The following VTI1A variants were observed in gnomAD, a reference collection of about 807,000 sequenced individuals.
VTI1A encodes vesicle transport through interaction with t-SNAREs homolog 1A.
Under a neutral mutation model 34.9 loss-of-function variants are expected in VTI1A, and 22 were observed. That is an observed-to-expected ratio of 0.63 (90% CI 0.45 to 0.90). The LOEUF is 0.90. Among genes scored for constraint, VTI1A ranks in the 40% least tolerant of loss-of-function variants. VTI1A has a pLI of 0.00. For missense variants in VTI1A, 268 were observed against 275.6 expected (o/e 0.97, Z 0.20); for synonymous variants, 87 against 97.3 (o/e 0.89, Z 0.62).
chr10:112,577,801 G>C (rs778007306), intron 5 of VTI1A, among the ~76,000 whole-genome samples: 1 of 152,188 alleles, frequency 6.6e-6, no homozygotes, highest in African/African-American at 2.4e-5. Flanking sequence ...TCATATGTAC[G>C]TGGTTAAATC....
At chr10:112,829,613 G>A in the VTI1A span, among the ~76,000 whole-genome samples, 1 of 151,918 alleles carries the variant, frequency 6.6e-6, no homozygotes, top group African/African-American at 2.4e-5. Flanking sequence ...AATTAGCGGG[G>A]CATGGTGGCA....
intron 5 of VTI1A, among the ~76,000 whole-genome samples, chr10:112,644,400 T>G (rs1846696733): frequency 6.6e-6 from 1 of 152,230 alleles, no homozygotes; most frequent in African/African-American, 2.4e-5. Flanking sequence ...GAAATCCATT[T>G]GACAAATATA....
chr10:112,559,999 A>C (rs1452991568), intron 5 of VTI1A, among the ~76,000 whole-genome samples: 1 of 152,200 alleles, frequency 6.6e-6, no homozygotes, highest in Non-Finnish European at 1.5e-5. Context: ...CTTTTAAGGC[A>C]TCTGAGATAG....
downstream of VTI1A, among the ~76,000 whole-genome samples, chr10:112,819,853 C>T (rs529819014): frequency 2.8e-4 from 43 of 152,284 alleles, no homozygotes; most frequent in Admixed American, 8.5e-4. Flanking sequence ...CTCAGAGGCC[C>T]GGTTCATTGA....
At chr10:112,647,403 C>A (rs1240484278) in intron 5 of VTI1A, among the ~76,000 whole-genome samples, 1 of 152,206 alleles carries the variant, frequency 6.6e-6, no homozygotes, top group Admixed American at 6.5e-5. Context: ...AAATCATCAA[C>A]ACACTATTTC....
At chr10:112,742,177 A>T (rs1007488618) in intron 7 of VTI1A, among the ~76,000 whole-genome samples, 1 of 152,190 alleles carries the variant, frequency 6.6e-6, no homozygotes, top group Non-Finnish European at 1.5e-5. Context: ...TCTGAGCTTG[A>T]CCTGGCAGGT....
Position 112,464,624 on chromosome 10 carries a change from C to T in VTI1A, c.231C>T (p.Tyr77=). ...TGTACAGCAACAGAATGAGAAGCTACAAACAAGAAATGGGAAAACTCGAAA... is the reference window on the plus strand; with the variant it reads ...TGTACAGCAACAGAATGAGAAGCTATAAACAAGAAATGGGAAAACTCGAAA... ...RGMYSNRMRS[Y]KQEMGKLETD... is the part of the protein sequence containing the mutation. Residue 77 remains tyrosine (Y), a synonymous_variant, in exon 3 of 8, where the codon TAC becomes TAT. Transcript: ENST00000393077. 1 of 1,612,410 alleles carries T rather than the reference C, an allele frequency of 6.2e-7. No individual in the cohort carries two copies. Among genetic ancestry groups the T allele is most frequent in the Non-Finnish European group, 8.5e-7 (1 of 1,178,930 alleles).
At chr10:112,815,132 C>CGT (rs1491483299) in intron 7 of VTI1A, among the ~76,000 whole-genome samples, 158 bp from the exon 8 acceptor site, 2 of 107,678 alleles carry the variant, frequency 1.9e-5, no homozygotes, top group Non-Finnish European at 2.0e-5. Context: ...ATGTCTCTTT[C>CGT]GCGCGCGCAC....
At chr10:112,470,841 GCA>G (rs1848049689) in intron 3 of VTI1A, among the ~76,000 whole-genome samples, 2 of 152,198 alleles carry the variant, frequency 1.3e-5, no homozygotes, top group African/African-American at 4.8e-5. Context: ...AGCTGAGATC[GCA>G]CCACTAAACT....
At chr10:112,552,390 G>A (rs1851390505) in intron 5 of VTI1A, among the ~76,000 whole-genome samples, 1 of 152,054 alleles carries the variant, frequency 6.6e-6, no homozygotes, top group African/African-American at 2.4e-5. Context: ...TCAATACTCT[G>A]TGCAGATCTG....
chr10:112,753,697 C>T (rs1851183183), intron 7 of VTI1A, among the ~76,000 whole-genome samples: 1 of 152,168 alleles, frequency 6.6e-6, no homozygotes, highest in African/African-American at 2.4e-5. Flanking sequence ...TTCTGTTCTG[C>T]CCACCCAGAG....
chr10:112,452,101 G>C (rs1019337177), intron 1 of VTI1A, among the ~76,000 whole-genome samples: 2 of 152,132 alleles, frequency 1.3e-5, no homozygotes, highest in Admixed American at 6.6e-5. Context: ...TTGAAGGGAT[G>C]GTTCCAGTCC....
intron 7 of VTI1A, among the ~76,000 whole-genome samples, chr10:112,726,856 C>G (rs1850047550): frequency 6.6e-6 from 1 of 152,038 alleles, no homozygotes; most frequent in Admixed American, 6.6e-5. Context: ...ATAGCTGATA[C>G]CGGGGGGTCA....
chr10:112,670,434 T>C (rs941964121), intron 7 of VTI1A, among the ~76,000 whole-genome samples: 29 of 152,068 alleles, frequency 1.9e-4, no homozygotes, highest in Non-Finnish European at 3.2e-4. Flanking sequence ...TTAGGAAAAA[T>C]AGTTTATGCG....
At chr10:112,571,030 T>C (rs181025452) in intron 5 of VTI1A, among the ~76,000 whole-genome samples, 11 of 152,368 alleles carry the variant, frequency 7.2e-5, no homozygotes, top group Admixed American at 4.6e-4. Flanking sequence ...TTCTATGTGT[T>C]GCATACTGTA....
In VTI1A at chr10:112,474,089, T is replaced by C. The variant is rs1848196123; in HGVS notation, c.264+9432T>C. On this transcript the variant is annotated intron_variant, in intron 3 of 7. Transcript: ENST00000393077. The stretch of plus-strand genomic sequence containing the variant: ...TGACTTTTTTTTTTTTGAGATGGAG[T>C]CTCGCTCTGTCGCCTAGGGTGGAGT... 2.0e-5 allele frequency among the ~76,000 whole-genome samples: 3 copies of C among 151,754 alleles called. No individual in the cohort carries two copies. In the South Asian group the frequency reaches 6.2e-4, roughly 32 times the overall value.
At chr10:112,824,929 T>C in the VTI1A span, 1 of 152,160 alleles carries the variant, frequency 6.6e-6, no homozygotes, top group Non-Finnish European at 1.5e-5. Context: ...CAGTCTGTGG[T>C]TTGTAGAACC....
the VTI1A span, among the ~76,000 whole-genome samples, chr10:112,850,369 A>AT: frequency 6.6e-6 from 1 of 151,714 alleles, no homozygotes; most frequent in African/African-American, 2.4e-5. Context: ...AAAAAAAAAA[A>AT]AAGAAACAGC....
At chr10:112,564,478 AAC>A (rs1261010955) in intron 5 of VTI1A, among the ~76,000 whole-genome samples, 1 of 152,138 alleles carries the variant, frequency 6.6e-6, no homozygotes, top group Non-Finnish European at 1.5e-5. Flanking sequence ...GTGAAGTTAA[AAC>A]AGTTAAGTTG....
Sources: allele counts gnomAD v4.1 joint callset (sites outside exome capture counted in the v4.1 genomes callset), GRCh38; gene constraint gnomAD v4.1.1; transcripts MANE v1.5; gene names NCBI Gene and HGNC (gene_info 2026-07-23, HGNC 2026-07-21).